NACAD: variants seen among roughly 807,000 people sequenced by gnomAD.
NACAD encodes NAC alpha domain containing.
A neutral mutation model predicts 98.9 loss-of-function variants in NACAD; 47 were observed. That is an observed-to-expected ratio of 0.48 (90% confidence interval 0.38 to 0.61). NACAD has a LOEUF of 0.61. NACAD is among the 20% of genes least tolerant of loss of function. The pLI, the probability that NACAD is intolerant of heterozygous loss-of-function variation, is 0.00. For synonymous variants in NACAD, 696 were observed against 767.2 expected (o/e 0.91, Z 1.53); for missense variants, 1,412 against 1,748.2 (o/e 0.81, Z 3.43).
Position 45,082,721 on chromosome 7 carries a change from T to C in NACAD, c.3459A>G (p.Pro1153=), listed in dbSNP as rs1376186294. The change falls in exon 2 of 8, where the codon CCA becomes CCG. Residue 1153 remains proline (P), a synonymous_variant. Transcript: ENST00000490531. The surrounding 1 kb of genome is among the most constrained non-coding windows in gnomAD (Gnocchi z 4.5). ...VATEASLDSC[P]ESSVGAVSSL... ...TGGACACAGCCCCTACTGAAGACTCTGGGCAGGAGTCCAGACTGGCCTCTG... is the reference window on the plus strand; with the variant it reads ...TGGACACAGCCCCTACTGAAGACTCCGGGCAGGAGTCCAGACTGGCCTCTG... 1 of 1,531,944 alleles carries C rather than the reference T, an allele frequency of 6.5e-7. No individual in the cohort carries two copies. The highest frequency in any genetic ancestry group is 1.4e-5 in the African/African-American group (1 of 72,466). The allele number at this position is 1,531,944 out of a possible 1,614,324, so 94.9% of individuals were successfully genotyped here.
In NACAD at chr7:45,082,029, C is replaced by A; in HGVS notation, c.4072+79G>T. The A allele has an allele frequency of 1.4e-6, 2 of 1,466,696 alleles. No homozygotes were observed. Among genetic ancestry groups the A allele is most frequent in the Non-Finnish European group, 1.8e-6 (2 of 1,107,250 alleles). 90.9% of individuals were successfully genotyped at this position (1,466,696 alleles called of 1,614,324 possible). Reference sequence around the variant, plus strand: ...CCCCCCACCTCGCCACCTCAGAGGCCCTCCAGCTCAGGACAGCTCTAAGGA... The same window carrying A: ...CCCCCCACCTCGCCACCTCAGAGGCACTCCAGCTCAGGACAGCTCTAAGGA... On this transcript the variant is annotated intron_variant, in intron 2 of 7. Transcript: ENST00000490531. This position sits in a 1 kb window ranked among gnomAD's most constrained non-coding sequence, Gnocchi z 4.5.
rs1052195010 is a variant in NACAD at position 45,085,967 on chromosome 7, G to A, written c.213C>T (p.Ser71=). The A allele has an allele frequency of 3.9e-6, 6 of 1,537,904 alleles. No individual in the cohort carries two copies. Among genetic ancestry groups the A allele is most frequent in the African/African-American group, 1.4e-5 (1 of 72,790 alleles). The part of the protein sequence containing the change: ...PGARPQPEGA[S]WDAGPGGAPS... The stretch of plus-strand genomic sequence containing the variant: ...GTGCCCCACCAGGCCCTGCATCCCA[G>A]CTGGCTCCCTCGGGCTGGGGCCGGG... Residue 71 remains serine (S), a synonymous_variant, in exon 2 of 8, where the codon AGC becomes AGT. Coordinates refer to ENST00000490531, the MANE Select transcript of NACAD (RefSeq NM_001146334.2). The surrounding 1 kb of genome is among the most constrained non-coding windows in gnomAD (Gnocchi z 6.1).
rs2304692 is a variant in NACAD, at chr7:45,081,105, C to A, written c.4404+12G>T. 1 of 1,551,168 alleles carries A rather than the reference C, an allele frequency of 6.4e-7. No homozygotes were observed. Among genetic ancestry groups the A allele is most frequent in the African/African-American group, 1.4e-5 (1 of 73,148 alleles). On this transcript the variant is annotated intron_variant, in intron 5 of 7. Coordinates refer to ENST00000490531, the MANE Select transcript of NACAD (RefSeq NM_001146334.2). ...CTCGGATCCCCCATTCCACCACAGCCGCCACCCAGACCTTGGCCTCGCCAA... is the reference window on the plus strand; with the variant it reads ...CTCGGATCCCCCATTCCACCACAGCAGCCACCCAGACCTTGGCCTCGCCAA...
At position 45,086,121 on chromosome 7, in the gene NACAD, A is replaced by G; in HGVS notation, c.68-9T>C. The G allele has an allele frequency of 6.5e-7, 1 of 1,534,914 alleles. No homozygotes were observed. Among genetic ancestry groups the G allele is most frequent in the Non-Finnish European group, 8.7e-7 (1 of 1,146,480 alleles). On this transcript the variant is annotated splice_polypyrimidine_tract_variant and intron_variant, in intron 1 of 7. Transcript: ENST00000490531. Reference sequence around the variant, plus strand: ...CGCATCGCAGGACAGATCTGTGGAGATAGAGAAGATCATGAGGTGCCCCTG... The same window carrying G: ...CGCATCGCAGGACAGATCTGTGGAGGTAGAGAAGATCATGAGGTGCCCCTG...
chr7:45,087,482 C>A (rs1784538574), intron 1 of NACAD, among the ~76,000 whole-genome samples: 1 of 152,250 alleles, frequency 6.6e-6, no homozygotes, highest in Non-Finnish European at 1.5e-5. Context: ...GCTCTCCAGG[C>A]TGCAGATGCC....
chr7:45,085,040 G>T lies in NACAD; in HGVS notation c.1140C>A (p.Phe380Leu). Residue 380 changes from phenylalanine (F) to leucine (L), a missense_variant, in exon 2 of 8, where the codon TTC becomes TTA. Coordinates refer to ENST00000490531, the MANE Select transcript of NACAD (RefSeq NM_001146334.2). The surrounding 1 kb of genome is among the most constrained non-coding windows in gnomAD (Gnocchi z 6.1). ...AGGAGGCTGCAGAGGTGTCGTCCCG[G>T]AAGGCAAAAGCCTCGTCCATGCCCT... ...ITEGMDEAFAFRDDTSAASSD... is the reference protein window; with the variant it reads ...ITEGMDEAFALRDDTSAASSD... 1.3e-6 allele frequency: 2 copies of T among 1,550,926 alleles called. No homozygotes were observed. Among genetic ancestry groups the T allele is most frequent in the Non-Finnish European group, 1.7e-6 (2 of 1,146,860 alleles).
chr7:45,080,688 G>A lies in NACAD; in HGVS notation c.4626C>T (p.Ala1542=), dbSNP rs374132491. The A allele has an allele frequency of 3.5e-5, 54 of 1,551,244 alleles. No individual in the cohort carries two copies. The highest frequency in any genetic ancestry group is 4.6e-5 in the Non-Finnish European group (53 of 1,146,954). Residue 1542 remains alanine, a synonymous_variant, in exon 7 of 8, where the codon GCC becomes GCT. Transcript: ENST00000490531. ...TGTGGTTGTCTCTCAGAGCCCGCAC[G>A]GCCTTGGCCCTGGACACATTGGCCT... ...MAQANVSRAK[A]VRALRDNHSD... is the part of the protein sequence containing the mutation.
At chr7:45,081,365 T>C in intron 4 of NACAD, 102 bp from the exon 5 acceptor site, 1 of 1,459,394 alleles carries the variant, frequency 6.9e-7, no homozygotes, top group Non-Finnish European at 9.2e-7. Flanking sequence ...ACCGCCAACT[T>C]CCCCAAGACC....
rs1425240999 is a variant in NACAD at position 45,088,966 on chromosome 7, G to C, written c.-72C>G. ...TCAGTCCGTGCCGCCGCCCCGCCGA[G>C]CCTGCGCGGCCACCGCCCCTCGGCC... On this transcript the variant is annotated 5_prime_UTR_variant, in exon 1 of 8. Transcript: ENST00000490531. The surrounding 1 kb of genome is among the most constrained non-coding windows in gnomAD (Gnocchi z 5.7). 9.9e-6 allele frequency: 12 copies of C among 1,210,420 alleles called. No individual in the cohort carries two copies. Among genetic ancestry groups the C allele is most frequent in the Admixed American group, 4.3e-5 (1 of 23,328 alleles). 75.0% of individuals were successfully genotyped at this position (1,210,420 alleles called of 1,614,324 possible). A position where few individuals can be genotyped will look rare whatever the true frequency, so the allele number is the denominator to read the frequency against.
chr7:45,084,852 C>T lies in NACAD; in HGVS notation c.1328G>A (p.Trp443Ter). The change falls in exon 2 of 8, where the codon TGG (tryptophan) becomes TAG (stop). Residue 443 changes from tryptophan to a stop codon, truncating the protein, a stop_gained. Coordinates refer to ENST00000490531, the MANE Select transcript of NACAD (RefSeq NM_001146334.2). LOFTEE classifies it high-confidence loss of function. Reference protein sequence around the residue: ...GLQAQDGTVSWAVEAAPQTSD... With the variant: ...GLQAQDGTVS ...GGTCTGAGGAGCAGCCTCCACGGCC[C>T]AGGACACAGTCCCATCCTGAGCCTG... 1 of 1,550,938 alleles carries T rather than the reference C, an allele frequency of 6.4e-7. No individual in the cohort carries two copies.
chr7:45,087,150 A>G (rs894212741), intron 1 of NACAD, among the ~76,000 whole-genome samples: 5 of 152,208 alleles, frequency 3.3e-5, no homozygotes, highest in African/African-American at 1.2e-4. Flanking sequence ...GGAAGATGGA[A>G]GAAAACCCCT....
chr7:45,084,461 G>A lies in NACAD; in HGVS notation c.1719C>T (p.Leu573=). The part of the protein sequence containing the change: ...QNLKEEGGLD[L]PSGRKPVAAA... Reference sequence around the variant, plus strand: ...CAGCTACAGGCTTTCTGCCAGAGGGGAGGTCCAGCCCTCCTTCTTCCTTCA... The same window carrying A: ...CAGCTACAGGCTTTCTGCCAGAGGGAAGGTCCAGCCCTCCTTCTTCCTTCA... Residue 573 remains leucine, a synonymous_variant, in exon 2 of 8, where the codon CTC becomes CTT. Coordinates refer to ENST00000490531, the MANE Select transcript of NACAD (RefSeq NM_001146334.2). 6.4e-7 allele frequency: 1 copy of A among 1,552,048 alleles called. No individual in the cohort carries two copies. The highest frequency in any genetic ancestry group is 8.7e-7 in the Non-Finnish European group (1 of 1,147,076).
In NACAD at chr7:45,082,145, G is replaced by T. The variant is rs1028586891; in HGVS notation, c.4035C>A (p.Ala1345=). Residue 1345 remains alanine, a synonymous_variant, in exon 2 of 8, where the codon GCC becomes GCA. Transcript: ENST00000490531. This position sits in a 1 kb window ranked among gnomAD's most constrained non-coding sequence, Gnocchi z 4.5. ...TGTCCTCATCCTCTTGCTGCTCGGG[G>T]GCTGAGAGCCCTTGAGGGCCAGCTG... is the stretch of plus-strand genomic sequence containing the variant. The part of the protein sequence containing the change: ...QSPAGPQGLS[A]PEQQEDEDSL... 1.3e-6 allele frequency: 2 copies of T among 1,488,002 alleles called. No individual in the cohort carries two copies. The highest frequency in any genetic ancestry group is 4.9e-5 in the East Asian group (2 of 40,452). The allele number at this position is 1,488,002 out of a possible 1,614,324, so 92.2% of individuals were successfully genotyped here. A position where few individuals can be genotyped will look rare whatever the true frequency, so the allele number is the denominator to read the frequency against.
chr7:45,085,883 G>A lies in NACAD; in HGVS notation c.297C>T (p.Gly99=). 2.6e-6 allele frequency: 4 copies of A among 1,547,362 alleles called. No homozygotes were observed. Among genetic ancestry groups the A allele is most frequent in the Non-Finnish European group, 3.5e-6 (4 of 1,145,966 alleles). ...GGPSPMLLPE[G]LSSQALSTEA... is the part of the protein sequence containing the mutation. ...CCGTGGACAGAGCCTGGGAAGACAG[G>A]CCCTCAGGGAGGAGCATGGGGCTTG... Residue 99 remains glycine, a synonymous_variant, in exon 2 of 8, where the codon GGC becomes GGT. Transcript: ENST00000490531. The surrounding 1 kb of genome is among the most constrained non-coding windows in gnomAD (Gnocchi z 6.1).
rs1784444873 is a variant in NACAD, at chr7:45,082,430, C to T, written c.3750G>A (p.Leu1250=). 1 of 1,548,688 alleles carries T rather than the reference C, an allele frequency of 6.5e-7. No individual in the cohort carries two copies. Among genetic ancestry groups the T allele is most frequent in the Admixed American group, 2.0e-5 (1 of 50,860 alleles). ...CAGAGTCTTCCTGGGGGTCCTGGCA[C>T]AGGCAGGGGGCTGGGGGCTCCAGTG... ...LPPLEPPAPC[L]CQDPQEDSVE... Residue 1250 remains leucine (L), a synonymous_variant, in exon 2 of 8, where the codon CTG becomes CTA. Coordinates refer to ENST00000490531, the MANE Select transcript of NACAD (RefSeq NM_001146334.2). The surrounding 1 kb of genome is among the most constrained non-coding windows in gnomAD (Gnocchi z 4.5).
Position 45,082,345 on chromosome 7 carries a change from G to C in NACAD, c.3835C>G (p.Pro1279Ala), listed in dbSNP as rs1164972005. Residue 1279 changes from proline to alanine, a missense_variant, in exon 2 of 8, where the codon CCT (proline) becomes GCT (alanine). Physicochemically the swap from Pro to Ala is conservative, Grantham distance 27. Transcript: ENST00000490531. This position sits in a 1 kb window ranked among gnomAD's most constrained non-coding sequence, Gnocchi z 4.5. ...GLPPPQAGVQ[P>A]AAAAVSGTTQ... ...GTTCCTGAGACAGCAGCAGCGGCAGGCTGGACTCCTGCCTGGGGCGGTGGG... is the reference window on the plus strand; with the variant it reads ...GTTCCTGAGACAGCAGCAGCGGCAGCCTGGACTCCTGCCTGGGGCGGTGGG... The C allele has an allele frequency of 3.1e-5, 48 of 1,550,336 alleles. No individual in the cohort carries two copies. Among genetic ancestry groups the C allele is most frequent in the Non-Finnish European group, 3.9e-5 (45 of 1,146,952 alleles).
In NACAD at chr7:45,082,294, G is replaced by A. The variant is rs1159960250; in HGVS notation, c.3886C>T (p.Arg1296Ter). The change falls in exon 2 of 8, where the codon CGA becomes TGA. Residue 1296 changes from arginine to a stop codon, truncating the protein, a stop_gained. Transcript: ENST00000490531. LOFTEE classifies it high-confidence loss of function. The surrounding 1 kb of genome is among the most constrained non-coding windows in gnomAD (Gnocchi z 4.5). The part of the protein sequence containing the change: ...GTTQPLGTGP[R>*]VSLSPHSPLL... The stretch of plus-strand genomic sequence containing the variant: ...GGGGAGTGAGGCGAGAGGCTGACTC[G>A]CGGCCCAGTCCCCAGAGGCTGTGTG... 6.4e-7 allele frequency: 1 copy of A among 1,550,496 alleles called. No individual in the cohort carries two copies. Among genetic ancestry groups the A allele is most frequent in the Non-Finnish European group, 8.7e-7 (1 of 1,146,972 alleles).
chr7:45,081,935 C>G, intron 2 of NACAD, 68 bp from the exon 3 acceptor site: 1 of 1,477,636 alleles, frequency 6.8e-7, no homozygotes, highest in South Asian at 1.2e-5. Context: ...GTTCAGGACC[C>G]TGGCCCTGCT....
Position 45,084,806 on chromosome 7 carries a change from C to G in NACAD, c.1374G>C (p.Leu458=), listed in dbSNP as rs1471067053. The part of the protein sequence containing the change: ...APQTSDRGAY[L]SQRQELISEV... Reference sequence around the variant, plus strand: ...CTGAGATCAATTCCTGTCTCTGGGACAGATAGGCCCCTCTGTCTGAGGTCT... The same window carrying G: ...CTGAGATCAATTCCTGTCTCTGGGAGAGATAGGCCCCTCTGTCTGAGGTCT... The change falls in exon 2 of 8, where the codon CTG becomes CTC. Residue 458 remains leucine, a synonymous_variant. Coordinates refer to ENST00000490531, the MANE Select transcript of NACAD (RefSeq NM_001146334.2). 2 of 1,550,964 alleles carry G rather than the reference C, an allele frequency of 1.3e-6. No individual in the cohort carries two copies. The highest frequency in any genetic ancestry group is 8.7e-7 in the Non-Finnish European group (1 of 1,146,916).
Sources: allele counts gnomAD v4.1 joint callset (sites outside exome capture counted in the v4.1 genomes callset), GRCh38; gene constraint gnomAD v4.1.1; non-coding constraint Gnocchi (gnomAD v3.1); transcripts MANE v1.5; gene names NCBI Gene and HGNC (gene_info 2026-07-23, HGNC 2026-07-21).